The following UBE2R2 variants were observed in gnomAD, a reference collection of about 807,000 sequenced individuals.
UBE2R2 encodes ubiquitin-conjugating enzyme E2 R2.
UBE2R2 carries 1 observed loss-of-function variant against 27.8 expected under a neutral mutation model. That is an observed-to-expected ratio of 0.04 (90% CI 0.01 to 0.17). The LOEUF (loss-of-function observed/expected upper bound fraction) is 0.17. Ranked by LOEUF, UBE2R2 falls within the 10% of genes least tolerant of loss-of-function variation. The pLI, the probability that UBE2R2 is intolerant of heterozygous loss-of-function variation, is 1.00. For missense variants in UBE2R2, 100 were observed against 291.0 expected (o/e 0.34, Z 4.78); for synonymous variants, 106 against 113.3 (o/e 0.94, Z 0.41).
chr9:33,881,428 T>C (rs1325025852), intron 1 of UBE2R2, among the ~76,000 whole-genome samples: 2 of 152,188 alleles, frequency 1.3e-5, no homozygotes, highest in East Asian at 3.9e-4. Flanking sequence ...TTTCATCATC[T>C]CAAAAAGAAT....
At chr9:33,894,823 G>A (rs1822066498) in intron 2 of UBE2R2, among the ~76,000 whole-genome samples, 1 of 152,154 alleles carries the variant, frequency 6.6e-6, no homozygotes, top group Admixed American at 6.5e-5. Flanking sequence ...CTTGAACCCG[G>A]GAGGTAGAGG....
intron 1 of UBE2R2, among the ~76,000 whole-genome samples, chr9:33,866,261 CAG>C (rs1022948638): frequency 1.1e-4 from 17 of 148,700 alleles, no homozygotes; most frequent in African/African-American, 3.7e-4. Context: ...TTTTTTGAGA[CAG>C]AGTCTTGCTC....
At chr9:33,876,919 CAAAT>C (rs1200793565) in intron 1 of UBE2R2, among the ~76,000 whole-genome samples, 1 of 151,780 alleles carries the variant, frequency 6.6e-6, no homozygotes, top group Non-Finnish European at 1.5e-5. Context: ...ATCTAAAAAA[CAAAT>C]AAAATAAATA....
intron 3 of UBE2R2, among the ~76,000 whole-genome samples, chr9:33,902,242 G>T (rs1177861920): frequency 6.6e-6 from 1 of 151,936 alleles, no homozygotes; most frequent in Non-Finnish European, 1.5e-5. Flanking sequence ...TAAAGATGGG[G>T]TCTCACCATG....
chr9:33,859,760 T>TGTGTGTGTGTGTG (rs1050536157), intron 1 of UBE2R2, among the ~76,000 whole-genome samples: 1 of 130,614 alleles, frequency 7.7e-6, no homozygotes, highest in Non-Finnish European at 1.6e-5. Context: ...TCTAAGCCTT[T>TGTGTGTGTGTGTG]TGTGTGTGTG....
At chr9:33,816,600 T>G (rs1198076146), upstream of UBE2R2, among the ~76,000 whole-genome samples, 1 of 152,226 alleles carries the variant, frequency 6.6e-6, no homozygotes, top group Non-Finnish European at 1.5e-5. Flanking sequence ...GTGAGTAACG[T>G]GCCAAAGGGC....
Position 33,863,427 on chromosome 9 carries a change from G to A in UBE2R2, c.178-23454G>A, listed in dbSNP as rs374295460. ...TTTGGGAGGCTCAGGCAGGAGAATC[G>A]CCTGAACCCGGGAGGCAGAGGTTGC... On this transcript the variant is annotated intron_variant, in intron 1 of 4. Transcript: ENST00000263228. 4.8e-5 allele frequency among the ~76,000 whole-genome samples: 7 copies of A among 144,388 alleles called. No homozygotes were observed. The East Asian group carries it at 8.5e-4, about 18-fold the overall frequency. The allele number at this position is 144,388 out of a possible 152,430, so 94.7% of individuals were successfully genotyped here.
At chr9:33,867,199 T>C (rs1018841821) in intron 1 of UBE2R2, among the ~76,000 whole-genome samples, 4 of 152,150 alleles carry the variant, frequency 2.6e-5, no homozygotes, top group African/African-American at 9.7e-5. Context: ...TAATTTTTTT[T>C]ATTTTTTGAA....
At chr9:33,870,684 T>C (rs1235236947) in intron 1 of UBE2R2, among the ~76,000 whole-genome samples, 2 of 152,190 alleles carry the variant, frequency 1.3e-5, no homozygotes, top group East Asian at 1.9e-4. Context: ...TGGAAAATTA[T>C]CTACTCCTCA....
intron 3 of UBE2R2, among the ~76,000 whole-genome samples, chr9:33,905,734 C>T (rs1444238026): frequency 6.6e-6 from 1 of 152,154 alleles, no homozygotes; most frequent in Non-Finnish European, 1.5e-5. Flanking sequence ...TCATGATGTC[C>T]TCTTTAAATC....
chr9:33,853,288 C>CTCTT (rs771252468), intron 1 of UBE2R2, among the ~76,000 whole-genome samples: 1 of 115,362 alleles, frequency 8.7e-6, no homozygotes, highest in Admixed American at 9.9e-5. Context: ...TTTTCTCTCT[C>CTCTT]TTTTTTTTTT....
At chr9:33,872,859 G>C (rs189820361) in intron 1 of UBE2R2, among the ~76,000 whole-genome samples, 6 of 151,902 alleles carry the variant, frequency 3.9e-5, no homozygotes, top group African/African-American at 1.4e-4. Context: ...CTTGCTTAAC[G>C]GTTTCAGAAA....
intron 2 of UBE2R2, among the ~76,000 whole-genome samples, chr9:33,889,665 CT>C (rs1292485095): frequency 6.6e-6 from 1 of 152,100 alleles, no homozygotes; most frequent in Non-Finnish European, 1.5e-5. Context: ...AAGGAGCAAA[CT>C]TTTGTCTTGC....
At chr9:33,904,235 T>C (rs1173426903) in intron 3 of UBE2R2, among the ~76,000 whole-genome samples, 1 of 152,210 alleles carries the variant, frequency 6.6e-6, no homozygotes, top group Non-Finnish European at 1.5e-5. Context: ...CACTGAAATA[T>C]TAAGAGGGAA....
intron 1 of UBE2R2, among the ~76,000 whole-genome samples, chr9:33,878,717 A>G (rs528347160): frequency 2.0e-4 from 31 of 152,300 alleles, no homozygotes; most frequent in Admixed American, 5.9e-4. Flanking sequence ...CAGAGAAACA[A>G]AGGCTTGGTA....
At chr9:33,904,322 ACTGT>A (rs1363091525) in intron 3 of UBE2R2, among the ~76,000 whole-genome samples, 1 of 152,170 alleles carries the variant, frequency 6.6e-6, no homozygotes, top group Non-Finnish European at 1.5e-5. Context: ...AGGGCCAGCA[ACTGT>A]CTAAGGGTTC....
chr9:33,886,046 T>TA (rs978349497), intron 1 of UBE2R2, among the ~76,000 whole-genome samples: 61 of 152,046 alleles, frequency 4.0e-4, no homozygotes, highest in African/African-American at 1.4e-3. Context: ...TTTTATGGTG[T>TA]AAAAAAAATG....
At chr9:33,835,173 A>G (rs1367789796) in intron 1 of UBE2R2, among the ~76,000 whole-genome samples, 3 of 100,338 alleles carry the variant, frequency 3.0e-5, no homozygotes, top group African/African-American at 1.2e-4. Flanking sequence ...TTTGAGACCC[A>G]ATCTCTTTCT....
chr9:33,888,305 AC>A (rs1246854387), intron 2 of UBE2R2, among the ~76,000 whole-genome samples: 42 of 148,268 alleles, frequency 2.8e-4, no homozygotes, highest in Middle Eastern at 7.0e-3. Flanking sequence ...ATTTCAAAAA[AC>A]AAAAAAACAA....
Sources: allele counts gnomAD v4.1 joint callset (sites outside exome capture counted in the v4.1 genomes callset), GRCh38; gene constraint gnomAD v4.1.1; transcripts MANE v1.5; gene names NCBI Gene and HGNC (gene_info 2026-07-23, HGNC 2026-07-21).